Variants in RBFOX1 observed in about 807,000 individuals in gnomAD.
RBFOX1 encodes the protein RNA binding protein fox-1 homolog 1.
In RBFOX1, 8 loss-of-function variants were observed where a neutral mutation model predicts 57.7. That is an observed-to-expected ratio of 0.14 (90% CI 0.08 to 0.25). RBFOX1 has a LOEUF of 0.25. RBFOX1 is among the 10% of genes least tolerant of loss of function. RBFOX1 has a pLI of 1.00. For synonymous variants in RBFOX1, 326 were observed against 222.4 expected, an observed-to-expected ratio of 1.47 and a Z score of -4.15; for missense variants, 611 against 548.5, an observed-to-expected ratio of 1.11 and a Z score of -1.14.
intron 4 of RBFOX1, among the ~76,000 whole-genome samples, chr16:7,253,417 A>G (rs1603449379): frequency 6.6e-6 from 1 of 151,856 alleles, no homozygotes; most frequent in African/African-American, 2.4e-5. Context: ...CAACCCCTCA[A>G]CCTCTTCCTT....
At chr16:5,558,235 A>T (rs561372232) in intron 2 of RBFOX1, among the ~76,000 whole-genome samples, 3 of 152,146 alleles carry the variant, frequency 2.0e-5, no homozygotes, top group Non-Finnish European at 4.4e-5. Flanking sequence ...GGGTCTGTTG[A>T]GCTGATTAAC....
intron 3 of RBFOX1, among the ~76,000 whole-genome samples, chr16:6,695,101 G>C (rs191632369): frequency 1.3e-5 from 2 of 152,112 alleles, no homozygotes; most frequent in African/African-American, 4.8e-5. Context: ...CCTTGTCCCA[G>C]TGAATATTAC....
At chr16:5,495,003 G>A (rs1286296291) in intron 2 of RBFOX1, among the ~76,000 whole-genome samples, 2 of 152,182 alleles carry the variant, frequency 1.3e-5, no homozygotes, top group Non-Finnish European at 2.9e-5. Flanking sequence ...CGTGACTAGT[G>A]TATTAGTTCG....
At chr16:6,876,849 A>T (rs2061941721) in intron 3 of RBFOX1, among the ~76,000 whole-genome samples, 1 of 152,182 alleles carries the variant, frequency 6.6e-6, no homozygotes, top group Admixed American at 6.5e-5. Flanking sequence ...TGAGCAATGG[A>T]AGTGGGATTG....
In RBFOX1 at chr16:6,615,098, C is replaced by A. The variant is rs565212649; in HGVS notation, c.-63-39505C>A. 9.2e-5 allele frequency among the ~76,000 whole-genome samples: 14 copies of A among 152,280 alleles called. No individual in the cohort carries two copies. The South Asian group carries it at 2.9e-3, about 32-fold the overall frequency. On this transcript the variant is annotated intron_variant, in intron 2 of 15. Coordinates refer to ENST00000550418, the MANE Select transcript of RBFOX1 (RefSeq NM_018723.4). ...GTGGATGGTATCGTGAAAACAGTTG[C>A]ACCTTTGCTTAAGGCAAACTCATTG...
chr16:6,193,390 T>C (rs1271777154), intron 1 of RBFOX1, among the ~76,000 whole-genome samples: 5 of 21,376 alleles, frequency 2.3e-4, no homozygotes, highest in African/African-American at 3.7e-4. Flanking sequence ...TATATATATA[T>C]ACTATATATA....
At chr16:5,275,356 A>T (rs1055289165) in intron 1 of RBFOX1, among the ~76,000 whole-genome samples, 1 of 152,196 alleles carries the variant, frequency 6.6e-6, no homozygotes, top group African/African-American at 2.4e-5. Flanking sequence ...ATTTATCAGG[A>T]TACAAAATCT....
At position 7,285,380 on chromosome 16, in the gene RBFOX1, G is replaced by T. The variant is rs984783344; in HGVS notation, c.28-232767G>T. Among the ~76,000 whole-genome samples, 9 of 129,906 alleles carry T rather than the reference G, an allele frequency of 6.9e-5. No homozygotes were observed. In the South Asian group the frequency reaches 2.1e-3, roughly 30 times the overall value. 85.2% of individuals were successfully genotyped at this position (129,906 alleles called of 152,430 possible). On this transcript the variant is annotated intron_variant, in intron 4 of 15. Coordinates refer to ENST00000550418, the MANE Select transcript of RBFOX1 (RefSeq NM_018723.4). Reference sequence around the variant, plus strand: ...TTCCCCAATGTTACTTGCATTAATTGTGTGTGTGTGTGTGTGTGTGTGTGT... The same window carrying T: ...TTCCCCAATGTTACTTGCATTAATTTTGTGTGTGTGTGTGTGTGTGTGTGT...
chr16:7,369,596 T>C (rs2097531107), intron 4 of RBFOX1, among the ~76,000 whole-genome samples: 1 of 152,212 alleles, frequency 6.6e-6, no homozygotes, highest in African/African-American at 2.4e-5. Flanking sequence ...TTTAATATGC[T>C]GATTATCTCA....
intron 3 of RBFOX1, among the ~76,000 whole-genome samples, chr16:6,693,848 T>C (rs2060630028): frequency 6.6e-6 from 1 of 152,206 alleles, no homozygotes; most frequent in African/African-American, 2.4e-5. Context: ...ATCATCCTTA[T>C]TCAGCAATTC....
intron 3 of RBFOX1, among the ~76,000 whole-genome samples, chr16:5,866,564 A>G (rs2057347490): frequency 6.6e-6 from 1 of 152,254 alleles, no homozygotes; most frequent in South Asian, 2.1e-4. Context: ...TTCTAGGCAT[A>G]GATGAACAAT....
chr16:7,317,477 A>G (rs921389501), intron 4 of RBFOX1, among the ~76,000 whole-genome samples: 2 of 152,156 alleles, frequency 1.3e-5, no homozygotes, highest in African/African-American at 2.4e-5. Context: ...CACCACCACT[A>G]TCACCATCGC....
At chr16:5,875,015 G>A (rs117326325) in intron 4 of RBFOX1, among the ~76,000 whole-genome samples, 1 of 152,288 alleles carries the variant, frequency 6.6e-6, no homozygotes, top group Non-Finnish European at 1.5e-5. Flanking sequence ...GGAAAAATAA[G>A]CAGAGAGAAG....
chr16:7,668,097 TCAGAGCAGGTCAAC>T (rs1292665694), intron 13 of RBFOX1, among the ~76,000 whole-genome samples: 1 of 152,178 alleles, frequency 6.6e-6, no homozygotes, highest in Non-Finnish European at 1.5e-5. Context: ...TGGCAGTATA[TCAGAGCAGGTCAAC>T]AACTCAACAG....
chr16:7,308,432 C>T (rs945634537), intron 4 of RBFOX1, among the ~76,000 whole-genome samples: 2 of 152,092 alleles, frequency 1.3e-5, no homozygotes, highest in Admixed American at 6.5e-5. Context: ...AAGCCCTATC[C>T]ACTGAGAACC....
At chr16:7,543,701 GTGTGTGTGTGTGTGTGTGTT>G (rs1176179827) in intron 5 of RBFOX1, among the ~76,000 whole-genome samples, 22 of 131,532 alleles carry the variant, frequency 1.7e-4, no homozygotes, top group African/African-American at 7.1e-4. Context: ...GTGTGTGTGT[GTGTGTGTGTGTGTGTGTGTT>G]TATTTTTTAT....
At chr16:7,287,796 G>C (rs562302371) in intron 4 of RBFOX1, among the ~76,000 whole-genome samples, 6 of 152,262 alleles carry the variant, frequency 3.9e-5, no homozygotes, top group African/African-American at 1.2e-4. Context: ...ATTAGTTTAT[G>C]ATAGATTTTA....
intron 2 of RBFOX1, among the ~76,000 whole-genome samples, chr16:6,630,169 A>G (rs1351705407): frequency 6.6e-6 from 1 of 152,044 alleles, no homozygotes; most frequent in Non-Finnish European, 1.5e-5. Context: ...CCAGTTAATT[A>G]AGTAACTCAT....
intron 2 of RBFOX1, among the ~76,000 whole-genome samples, chr16:6,526,311 T>C (rs566309457): frequency 6.6e-6 from 1 of 152,300 alleles, no homozygotes; most frequent in South Asian, 2.1e-4. Context: ...GCCATTTGTC[T>C]TTTGCTACAT....
Sources: gnomAD v4.1 joint callset for allele counts (sites outside exome capture counted in the v4.1 genomes callset) on GRCh38, gnomAD v4.1.1 for gene constraint, MANE v1.5 for transcripts, NCBI Gene and HGNC (gene_info 2026-07-23, HGNC 2026-07-21) for gene names.